LMBRD1: variants seen among roughly 807,000 people sequenced by gnomAD.
The protein encoded by LMBRD1 is LMBR1 domain containing 1.
LMBRD1 carries 64 observed loss-of-function variants against 74.8 expected under a neutral mutation model. That is an observed-to-expected ratio of 0.86 (90% CI 0.70 to 1.05). The LOEUF (loss-of-function observed/expected upper bound fraction) is 1.05. Among genes scored for constraint, LMBRD1 ranks in the 50% least tolerant of loss-of-function variants. The pLI is 0.00. For missense variants in LMBRD1, 652 were observed against 645.9 expected (o/e 1.01, Z -0.10); for synonymous variants, 204 against 216.3 (o/e 0.94, Z 0.50).
Position 69,676,535 on chromosome 6 carries a change from C to T in LMBRD1, c.1424G>A (p.Cys475Tyr), listed in dbSNP as rs1404620577. The stretch of plus-strand genomic sequence containing the variant: ...GAATAGGTATGTCCGGGTAACAGTA[C>T]ACTGATCTGTGAAAGCAAATAAAAG... ...RCDADAPEDQ[C>Y]TVTRTYLFLH... is the part of the protein sequence containing the mutation. Residue 475 changes from cysteine (C) to tyrosine (Y), a missense_variant, in exon 15 of 16, where the codon TGT (cysteine) becomes TAT (tyrosine). Around this residue, in one of 3 missense-constraint regions of LMBRD1, gnomAD observed 598 missense variants for 581.8 expected, o/e 1.03. Transcript: ENST00000649934. The T allele has an allele frequency of 1.2e-6, 2 of 1,610,914 alleles. No homozygotes were observed. Among genetic ancestry groups the T allele is most frequent in the African/African-American group, 1.3e-5 (1 of 74,828 alleles).
intron 10 of LMBRD1, 52 bp downstream of exon 10, chr6:69,701,837 A>G: frequency 8.1e-7 from 1 of 1,234,078 alleles, no homozygotes. Flanking sequence ...CAAAATGTAT[A>G]TTATCATAGA....
chr6:69,762,445 C>T (rs1347117001), intron 3 of LMBRD1, among the ~76,000 whole-genome samples: 2 of 148,116 alleles, frequency 1.4e-5, no homozygotes, highest in Non-Finnish European at 3.0e-5. Context: ...GACCCTGTCT[C>T]TACCAAAAAA....
chr6:69,678,872 A>C (rs1162395829), intron 14 of LMBRD1, among the ~76,000 whole-genome samples: 1 of 152,038 alleles, frequency 6.6e-6, no homozygotes, highest in Non-Finnish European at 1.5e-5. Flanking sequence ...AATAGCATTA[A>C]AGTTATATTT....
chr6:69,722,476 AC>A (rs945704962), intron 7 of LMBRD1, among the ~76,000 whole-genome samples: 1 of 152,026 alleles, frequency 6.6e-6, no homozygotes, highest in Non-Finnish European at 1.5e-5. Flanking sequence ...AAAAAAAAAA[AC>A]TTTTCAAGAC....
At chr6:69,742,690 A>G (rs985864833) in intron 5 of LMBRD1, among the ~76,000 whole-genome samples, 4 of 152,164 alleles carry the variant, frequency 2.6e-5, no homozygotes, top group Non-Finnish European at 5.9e-5. Context: ...AAGCAAAGTG[A>G]TAAGATTTAT....
intron 3 of LMBRD1, among the ~76,000 whole-genome samples, chr6:69,774,077 G>T (rs1234855302): frequency 6.6e-6 from 1 of 152,188 alleles, no homozygotes; most frequent in Non-Finnish European, 1.5e-5. Flanking sequence ...ATCTTGAATT[G>T]TAATAATCCC....
chr6:69,793,321 G>C (rs906495147), intron 1 of LMBRD1, among the ~76,000 whole-genome samples: 1 of 152,204 alleles, frequency 6.6e-6, no homozygotes, highest in East Asian at 1.9e-4. Flanking sequence ...GAAGGAATGA[G>C]AAGAGATGAA....
intron 2 of LMBRD1, 126 bp downstream of exon 2, chr6:69,790,170 C>T: frequency 1.4e-6 from 1 of 708,364 alleles, no homozygotes; most frequent in Non-Finnish European, 2.5e-6. Flanking sequence ...ACATTCTCAG[C>T]TTCTATGTTG....
At chr6:69,782,646 A>C (rs1303190944) in intron 2 of LMBRD1, among the ~76,000 whole-genome samples, 1 of 151,414 alleles carries the variant, frequency 6.6e-6, no homozygotes, top group Admixed American at 6.6e-5. Flanking sequence ...ATGCCACTAC[A>C]CTCTAGCCTG....
At chr6:69,778,235 A>G (rs1765746884) in intron 3 of LMBRD1, among the ~76,000 whole-genome samples, 1 of 152,208 alleles carries the variant, frequency 6.6e-6, no homozygotes, top group Non-Finnish European at 1.5e-5. Flanking sequence ...TATATTTCTC[A>G]CTATAAATTA....
At chr6:69,752,201 A>T in intron 4 of LMBRD1, 58 bp downstream of exon 4, 1 of 1,532,002 alleles carries the variant, frequency 6.5e-7, no homozygotes, top group Non-Finnish European at 8.9e-7. Flanking sequence ...TTCTCTGAAA[A>T]AGCAGGTAAT....
intron 2 of LMBRD1, among the ~76,000 whole-genome samples, chr6:69,787,489 A>G (rs894771279): frequency 2.0e-5 from 3 of 152,222 alleles, no homozygotes; most frequent in Non-Finnish European, 4.4e-5. Context: ...TCATGGCTGT[A>G]ATCCCAGCAC....
At chr6:69,677,811 T>G (rs1022215042) in intron 14 of LMBRD1, among the ~76,000 whole-genome samples, 4 of 152,134 alleles carry the variant, frequency 2.6e-5, no homozygotes, top group African/African-American at 9.7e-5. Context: ...TAGATGTAAT[T>G]AAAAATAAAT....
At chr6:69,694,879 T>A (rs1026540285) in intron 14 of LMBRD1, among the ~76,000 whole-genome samples, 1 of 152,164 alleles carries the variant, frequency 6.6e-6, no homozygotes, top group African/African-American at 2.4e-5. Context: ...CCTTTCCTAA[T>A]CCCCTTCATA....
intron 2 of LMBRD1, among the ~76,000 whole-genome samples, chr6:69,783,557 T>C (rs1166565821): frequency 1.3e-5 from 2 of 152,260 alleles, no homozygotes; most frequent in East Asian, 3.9e-4. Flanking sequence ...GTATTTTTTG[T>C]AGAGACTGGG....
At chr6:69,754,614 TA>T (rs1765231568) in intron 3 of LMBRD1, among the ~76,000 whole-genome samples, 1 of 152,206 alleles carries the variant, frequency 6.6e-6, no homozygotes, top group Non-Finnish European at 1.5e-5. Flanking sequence ...ATAGTGACAA[TA>T]AATCTTTTAG....
intron 8 of LMBRD1, among the ~76,000 whole-genome samples, chr6:69,716,448 T>C (rs921297365): frequency 1.3e-5 from 2 of 152,124 alleles, no homozygotes; most frequent in Non-Finnish European, 2.9e-5. Flanking sequence ...ACCTTTCTTG[T>C]GCATAAAACT....
At chr6:69,704,522 T>C (rs1183617414) in intron 9 of LMBRD1, among the ~76,000 whole-genome samples, 1 of 146,002 alleles carries the variant, frequency 6.8e-6, no homozygotes, top group Non-Finnish European at 1.5e-5. Flanking sequence ...TGGTTCCTTT[T>C]ATTATACGCC....
chr6:69,757,964 C>CA (rs1765301216), intron 3 of LMBRD1, among the ~76,000 whole-genome samples: 1 of 152,064 alleles, frequency 6.6e-6, no homozygotes, highest in African/African-American at 2.4e-5. Flanking sequence ...ACTCATGAAA[C>CA]AAGTTGGTTT....
Sources: gnomAD v4.1 joint callset for allele counts (sites outside exome capture counted in the v4.1 genomes callset) on GRCh38, gnomAD v4.1.1 for gene constraint, gnomAD v4.1.1 regional missense constraint, MANE v1.5 for transcripts, NCBI Gene and HGNC (gene_info 2026-07-23, HGNC 2026-07-21) for gene names.